Variants in TNFSF11 observed in about 807,000 individuals in gnomAD.
TNFSF11 encodes the protein TNF superfamily member 11.
TNFSF11 carries 12 observed loss-of-function variants against 32.2 expected under a neutral mutation model. The observed-to-expected ratio is 0.37, with a 90% confidence interval of 0.24 to 0.60. The LOEUF is 0.60. Among genes scored for constraint, TNFSF11 ranks in the 20% least tolerant of loss-of-function variants. TNFSF11 has a pLI of 0.66. For synonymous variants in TNFSF11, 172 were observed against 152.1 expected (o/e 1.13, Z -0.96); for missense variants, 345 against 398.0 (o/e 0.87, Z 1.13).
intron 2 of TNFSF11, among the ~76,000 whole-genome samples, chr13:42,597,340 CTTTTTT>C (rs774612741): frequency 8.0e-6 from 1 of 125,760 alleles, no homozygotes; most frequent in Non-Finnish European, 1.6e-5. Context: ...GCCTTTTGTT[CTTTTTT>C]TTTTTTTTTT....
intron 1 of TNFSF11, among the ~76,000 whole-genome samples, chr13:42,565,240 T>G (rs1265906621): frequency 2.0e-5 from 3 of 151,412 alleles, no homozygotes; most frequent in Admixed American, 6.6e-5. Flanking sequence ...ATTTTTTTCT[T>G]TAGTTTATCT....
At chr13:42,581,325 G>C in intron 2 of TNFSF11, 32 bp downstream of exon 2, 2 of 1,612,732 alleles carry the variant, frequency 1.2e-6, no homozygotes, top group South Asian at 2.2e-5. Context: ...TAAGTCAAGG[G>C]CCCTTGCTGA....
intron 2 of TNFSF11, among the ~76,000 whole-genome samples, chr13:42,597,361 T>TTC (rs10687746): frequency 6.7e-6 from 1 of 149,684 alleles, no homozygotes; most frequent in Non-Finnish European, 1.5e-5. Context: ...TTTTTTTTTT[T>TTC]AAAGCAGACA....
At chr13:42,574,946 C>T (rs1309509112) in intron 1 of TNFSF11, among the ~76,000 whole-genome samples, 4 of 152,392 alleles carry the variant, frequency 2.6e-5, no homozygotes, top group East Asian at 1.9e-4. Context: ...GGGCATCTAC[C>T]TTTCCCTTCC....
rs1594484298 is a variant in TNFSF11 at position 42,606,570 on chromosome 13, C to T, written c.606C>T (p.Ser202=). Residue 202 remains serine (S), a synonymous_variant, in exon 5 of 5, where the codon AGC becomes AGT. Coordinates refer to ENST00000398795, the MANE Select transcript of TNFSF11 (RefSeq NM_003701.4). ...CCAAGATCTCCAACATGACTTTTAG[C>T]AATGGAAAACTAATAGTTAATCAGG... is the stretch of plus-strand genomic sequence containing the variant. The part of the protein sequence containing the change: ...GWAKISNMTF[S]NGKLIVNQDG... The T allele has an allele frequency of 1.2e-6, 2 of 1,614,172 alleles. No individual in the cohort carries two copies. Among genetic ancestry groups the T allele is most frequent in the Non-Finnish European group, 1.7e-6 (2 of 1,180,026 alleles).
At chr13:42,591,077 G>C (rs556144088) in intron 2 of TNFSF11, among the ~76,000 whole-genome samples, 7 of 152,148 alleles carry the variant, frequency 4.6e-5, no homozygotes, top group Non-Finnish European at 8.8e-5. Flanking sequence ...TTTTCACTGA[G>C]AATTTTCACT....
chr13:42,593,191 C>T (rs1472040393), intron 2 of TNFSF11, among the ~76,000 whole-genome samples: 2 of 152,198 alleles, frequency 1.3e-5, no homozygotes, highest in African/African-American at 4.8e-5. Context: ...TCTGTGACAC[C>T]TGTCATGCGG....
In TNFSF11 at chr13:42,574,401, C is replaced by T. The variant is rs200250962; in HGVS notation, c.98C>T (p.Pro33Leu). The T allele has an allele frequency of 6.4e-7, 1 of 1,556,656 alleles. No homozygotes were observed. The highest frequency in any genetic ancestry group is 8.7e-7 in the Non-Finnish European group (1 of 1,152,944). ...GAPHEGPLHA[P>L]PPPAPHQPPA... is the part of the protein sequence containing the mutation. ...CCGCACGAGGGCCCCCTGCACGCCC[C>T]GCCGCCGCCTGCGCCGCACCAGCCC... Residue 33 changes from proline to leucine, a missense_variant, in exon 1 of 5, where the codon CCG (proline) becomes CTG (leucine). Transcript: ENST00000398795.
chr13:42,571,511 G>A (rs1873067804), upstream of TNFSF11: 1 of 152,158 alleles, frequency 6.6e-6, no homozygotes. Context: ...TGGGACCAGA[G>A]ATGTGCACCA....
At chr13:42,586,105 T>C (rs1041748252) in intron 2 of TNFSF11, among the ~76,000 whole-genome samples, 6 of 152,274 alleles carry the variant, frequency 3.9e-5, no homozygotes, top group Non-Finnish European at 7.3e-5. Context: ...AGAGTGATTT[T>C]ATTTAATATT....
intron 2 of TNFSF11, among the ~76,000 whole-genome samples, chr13:42,568,568 G>A (rs1872948557): frequency 6.6e-6 from 1 of 152,204 alleles, no homozygotes; most frequent in Non-Finnish European, 1.5e-5. Flanking sequence ...CTTGTAAAGG[G>A]TAATGGGTAA....
At position 42,574,286 on chromosome 13, in the gene TNFSF11, G is replaced by A. The variant is rs1318502257; in HGVS notation, c.-18G>A. ...GCGGGAGAGGGAGGAGAGCTCCGAA[G>A]CGAGAGGGCCGAGCGCCATGCGCCG... is the stretch of plus-strand genomic sequence containing the variant. On this transcript the variant is annotated 5_prime_UTR_variant, in exon 1 of 5. Coordinates refer to ENST00000398795, the MANE Select transcript of TNFSF11 (RefSeq NM_003701.4). The A allele has an allele frequency of 7.1e-6, 11 of 1,546,200 alleles. No homozygotes were observed. The highest frequency in any genetic ancestry group is 8.7e-6 in the Non-Finnish European group (10 of 1,145,810).
intron 1 of TNFSF11, among the ~76,000 whole-genome samples, chr13:42,580,632 G>C (rs537706421): frequency 6.6e-6 from 1 of 152,164 alleles, no homozygotes; most frequent in Non-Finnish European, 1.5e-5. Context: ...AGGAAAAAAG[G>C]CCAGGCCAAC....
chr13:42,602,752 A>T (rs892473442), intron 4 of TNFSF11, among the ~76,000 whole-genome samples: 3 of 152,248 alleles, frequency 2.0e-5, no homozygotes, highest in Non-Finnish European at 4.4e-5. Flanking sequence ...AAGGCAGTCA[A>T]ATTAATACTA....
intron 2 of TNFSF11, among the ~76,000 whole-genome samples, chr13:42,599,338 T>C (rs1292965969): frequency 6.1e-4 from 65 of 106,088 alleles, no homozygotes; most frequent in Middle Eastern, 0.01. Context: ...TCTATCTATC[T>C]ATCTATCTAT....
At chr13:42,602,426 A>T (rs1347780844) in intron 4 of TNFSF11, among the ~76,000 whole-genome samples, 2 of 152,002 alleles carry the variant, frequency 1.3e-5, no homozygotes, top group Non-Finnish European at 2.9e-5. Flanking sequence ...TTAAAGAAAG[A>T]AAGTTCAAGT....
intron 4 of TNFSF11, among the ~76,000 whole-genome samples, chr13:42,606,217 T>C (rs1869442261): frequency 1.3e-5 from 2 of 152,196 alleles, no homozygotes; most frequent in African/African-American, 4.8e-5. Flanking sequence ...ATGCCTTACT[T>C]CTGCTCTGAA....
chr13:42,583,417 T>TAAAAAAAAAAAAAAAAAAAAAAAAAAAA (rs71747752), intron 2 of TNFSF11, among the ~76,000 whole-genome samples: 1 of 24,644 alleles, frequency 4.1e-5, no homozygotes, highest in African/African-American at 1.9e-4. Context: ...AAGACCCTGC[T>TAAAAAAAAAAAAAAAAAAAAAAAAAAAA]AAAAAAAAAA....
intron 1 of TNFSF11, among the ~76,000 whole-genome samples, chr13:42,564,102 A>G (rs1872783312): frequency 1.3e-5 from 2 of 151,992 alleles, no homozygotes; most frequent in South Asian, 4.2e-4. Context: ...CCAGTCTGTT[A>G]TTAAGTTAAT....
Sources: gnomAD v4.1 joint callset for allele counts (sites outside exome capture counted in the v4.1 genomes callset) on GRCh38, gnomAD v4.1.1 for gene constraint, MANE v1.5 for transcripts, NCBI Gene and HGNC (gene_info 2026-07-23, HGNC 2026-07-21) for gene names.